SPRYD3: variants seen among roughly 807,000 people sequenced by gnomAD.
SPRYD3 encodes SPRY domain containing 3.
In SPRYD3, 17 loss-of-function variants were observed where a neutral mutation model predicts 50.1. The ratio of observed to expected loss-of-function variants is 0.34; its 90% CI spans 0.23 to 0.51. SPRYD3 has a LOEUF of 0.51. SPRYD3 is among the 20% of genes least tolerant of loss of function. The pLI, the probability that SPRYD3 is intolerant of heterozygous loss-of-function variation, is 0.97. For synonymous variants in SPRYD3, 198 were observed against 215.5 expected (o/e 0.92, Z 0.71); for missense variants, 401 against 591.2 (o/e 0.68, Z 3.34).
chr12:53,077,863 T>C (rs1375504920), intron 1 of SPRYD3, among the ~76,000 whole-genome samples: 2 of 152,172 alleles, frequency 1.3e-5, no homozygotes, highest in African/African-American at 4.8e-5. Flanking sequence ...TATTCCAAGA[T>C]GGAAATTTCT....
In SPRYD3 at chr12:53,068,075, C is replaced by T; in HGVS notation, c.843+80G>A. On this transcript the variant is annotated intron_variant, in intron 7 of 10. Transcript: ENST00000301463. ...AAAGCCTGGGCTCCCCTGGTTTCTC[C>T]TAAGAGCTTCCTGGTGCTGCCCCAA... The T allele has an allele frequency of 1.2e-5, 19 of 1,558,640 alleles. No homozygotes were observed. The South Asian group carries it at 2.2e-4, about 18-fold the overall frequency.
In SPRYD3 at chr12:53,066,801, G is replaced by T. The variant is rs557400222; in HGVS notation, c.902-109C>A. The T allele has an allele frequency of 2.0e-5, 27 of 1,375,086 alleles. No homozygotes were observed. In the Admixed American group the frequency reaches 6.4e-4, roughly 33 times the overall value. 85.2% of individuals were successfully genotyped at this position (1,375,086 alleles called of 1,614,324 possible). A position where few individuals can be genotyped will look rare whatever the true frequency, so the allele number is the denominator to read the frequency against. On this transcript the variant is annotated intron_variant, in intron 8 of 10. Coordinates refer to ENST00000301463, the MANE Select transcript of SPRYD3 (RefSeq NM_032840.3). Reference sequence around the variant, plus strand: ...TTCCCACCCCTCAGAGGAAGGGAAGGGTCAGGGCGGAAACAAAGATGGAGA... The same window carrying T: ...TTCCCACCCCTCAGAGGAAGGGAAGTGTCAGGGCGGAAACAAAGATGGAGA...
At chr12:53,073,256 G>GCCCCCGGGGGGGGGGGGCCCC in intron 6 of SPRYD3, 30 bp downstream of exon 6, 6 of 424,132 alleles carry the variant, frequency 1.4e-5, no homozygotes, top group Non-Finnish European at 1.8e-5. Flanking sequence ...CTCCGACCCA[G>GCCCCCGGGGGGGGGGGGCCCC]CCCCTCCCAC....
At chr12:53,066,175 C>T in intron 10 of SPRYD3, 139 bp downstream of exon 10, 1 of 1,469,598 alleles carries the variant, frequency 6.8e-7, no homozygotes. Context: ...TCAGCAACCC[C>T]TGGAGCTGGG....
intron 6 of SPRYD3, among the ~76,000 whole-genome samples, chr12:53,071,957 G>T (rs1221427327): frequency 1.3e-5 from 2 of 152,120 alleles, no homozygotes; most frequent in Non-Finnish European, 2.9e-5. Context: ...TTGGGGGGAG[G>T]GTGGGGAGGA....
chr12:53,070,804 TC>T (rs1490090047), intron 6 of SPRYD3, among the ~76,000 whole-genome samples: 7 of 152,194 alleles, frequency 4.6e-5, no homozygotes, highest in African/African-American at 1.2e-4. Context: ...CGATGGCCAC[TC>T]CCCAGACAAC....
intron 6 of SPRYD3, among the ~76,000 whole-genome samples, chr12:53,072,471 G>C (rs552018433): frequency 6.6e-6 from 1 of 152,322 alleles, no homozygotes; most frequent in African/African-American, 2.4e-5. Context: ...CAGGAGCAAG[G>C]GGGTAGGAGA....
At position 53,065,836 on chromosome 12, in the gene SPRYD3, C is replaced by A; in HGVS notation, c.1325G>T (p.Gly442Val). 1.2e-6 allele frequency: 2 copies of A among 1,612,460 alleles called. No individual in the cohort carries two copies. Among genetic ancestry groups the A allele is most frequent in the Non-Finnish European group, 1.7e-6 (2 of 1,179,432 alleles). Reference protein sequence around the residue: ...KVKVDLHPLSG With the variant: ...KVKVDLHPLSV ...AGCAGGTCTGGAGGGGAGGCCCTAG[C>A]CACTCAAGGGGTGCAGATCTACTTT... Residue 442 changes from glycine to valine, a missense_variant, in exon 11 of 11, where the codon GGC becomes GTC. Coordinates refer to ENST00000301463, the MANE Select transcript of SPRYD3 (RefSeq NM_032840.3).
rs564595030 is a variant in SPRYD3, at chr12:53,079,089, G to A, written c.23+222C>T. Among the ~76,000 whole-genome samples the A allele has an allele frequency of 1.9e-4, 29 of 152,314 alleles. No homozygotes were observed. The East Asian group carries it at 4.6e-3, about 24-fold the overall frequency. ...TCCCCGGGCACGGCCTGATCACTGA[G>A]ATGAGACCCGGGAGCAGCCGGGCCC... On this transcript the variant is annotated intron_variant, in intron 1 of 10. Transcript: ENST00000301463.
At chr12:53,068,350 C>T (rs1490224351) in intron 6 of SPRYD3, 46 bp from the exon 7 acceptor site, 4 of 1,604,364 alleles carry the variant, frequency 2.5e-6, no homozygotes, top group Non-Finnish European at 3.4e-6. Flanking sequence ...GGCTGACACC[C>T]ACCCTGGAAA....
chr12:53,068,129 C>T, intron 7 of SPRYD3, 26 bp downstream of exon 7: 1 of 1,613,804 alleles, frequency 6.2e-7, no homozygotes. Context: ...GCTCCATGAG[C>T]AAAAAAGCTC....
Position 53,074,922 on chromosome 12 carries a change from C to A in SPRYD3, c.372-138G>T. 1 of 1,346,478 alleles carries A rather than the reference C, an allele frequency of 7.4e-7. No homozygotes were observed. The highest frequency in any genetic ancestry group is 1.0e-6 in the Non-Finnish European group (1 of 957,726). 83.4% of individuals were successfully genotyped at this position (1,346,478 alleles called of 1,614,324 possible). A position where few individuals can be genotyped will look rare whatever the true frequency, so the allele number is the denominator to read the frequency against. On this transcript the variant is annotated intron_variant, in intron 4 of 10. Transcript: ENST00000301463. The surrounding 1 kb of genome is among the most constrained non-coding windows in gnomAD (Gnocchi z 4.6). Reference sequence around the variant, plus strand: ...GTACCCACTTACGTCCTGGCGTGAGCATCACCCTCCTCTAGTCTGTAAGCC... The same window carrying A: ...GTACCCACTTACGTCCTGGCGTGAGAATCACCCTCCTCTAGTCTGTAAGCC...
intron 6 of SPRYD3, 30 bp downstream of exon 6, chr12:53,073,256 G>GCAC: frequency 2.4e-6 from 1 of 424,134 alleles, no homozygotes; most frequent in South Asian, 4.4e-5. Context: ...CTCCGACCCA[G>GCAC]CCCCTCCCAC....
chr12:53,073,256 G>GCCCCCGGGGGGGGCCC, intron 6 of SPRYD3, 30 bp downstream of exon 6: 3 of 424,130 alleles, frequency 7.1e-6, no homozygotes, highest in East Asian at 3.8e-5. Flanking sequence ...CTCCGACCCA[G>GCCCCCGGGGGGGGCCC]CCCCTCCCAC....
intron 6 of SPRYD3, among the ~76,000 whole-genome samples, chr12:53,070,022 T>C (rs138567242): frequency 1.3e-5 from 2 of 152,218 alleles, no homozygotes; most frequent in East Asian, 3.9e-4. Flanking sequence ...CAGAAGAGGG[T>C]AGCTGCTGCA....
intron 8 of SPRYD3, among the ~76,000 whole-genome samples, chr12:53,067,178 G>T (rs931177482): frequency 1.3e-5 from 2 of 151,458 alleles, no homozygotes; most frequent in Non-Finnish European, 2.9e-5. Context: ...ATAAAGAGAC[G>T]TAGTATCCAT....
chr12:53,072,783 A>G (rs1944558726), intron 6 of SPRYD3, among the ~76,000 whole-genome samples: 1 of 152,254 alleles, frequency 6.6e-6, no homozygotes, highest in Non-Finnish European at 1.5e-5. Context: ...ATCTGCCTCC[A>G]TTCTAATCCT....
chr12:53,072,371 C>T (rs1944556211), intron 6 of SPRYD3, among the ~76,000 whole-genome samples: 1 of 152,168 alleles, frequency 6.6e-6, no homozygotes, highest in Non-Finnish European at 1.5e-5. Flanking sequence ...CGCTCCCACC[C>T]CCCACTGCTT....
intron 6 of SPRYD3, among the ~76,000 whole-genome samples, chr12:53,069,124 G>C (rs141173758): frequency 1.9e-4 from 29 of 152,176 alleles, no homozygotes; most frequent in African/African-American, 6.7e-4. Context: ...CGACGGGGCG[G>C]CAACCCCCAA....
Sources: allele counts gnomAD v4.1 joint callset (sites outside exome capture counted in the v4.1 genomes callset), GRCh38; gene constraint gnomAD v4.1.1; non-coding constraint Gnocchi (gnomAD v3.1); transcripts MANE v1.5; gene names NCBI Gene and HGNC (gene_info 2026-07-23, HGNC 2026-07-21).